Variants in LAMC2 observed in about 807,000 individuals in gnomAD.
The protein encoded by LAMC2 is laminin subunit gamma-2.
LAMC2 carries 97 observed loss-of-function variants against 140.2 expected under a neutral mutation model. That is an observed-to-expected ratio of 0.69 (90% CI 0.59 to 0.82). The LOEUF (loss-of-function observed/expected upper bound fraction) is 0.82. Among genes scored for constraint, LAMC2 ranks in the 40% least tolerant of loss-of-function variants. LAMC2 has a pLI of 0.00. For synonymous variants in LAMC2, 513 were observed against 540.2 expected, an observed-to-expected ratio of 0.95 and a Z score of 0.70; for missense variants, 1,402 against 1,476.1, an observed-to-expected ratio of 0.95 and a Z score of 0.82.
At chr1:183,196,830 T>C (rs1658535236) in intron 1 of LAMC2, among the ~76,000 whole-genome samples, 1 of 152,254 alleles carries the variant, frequency 6.6e-6, no homozygotes, top group African/African-American at 2.4e-5. Flanking sequence ...GATGGTTTTC[T>C]TTTATAAAGC....
Position 183,222,514 on chromosome 1 carries a change from C to T in LAMC2, c.763+303C>T, listed in dbSNP as rs16860588. On this transcript the variant is annotated intron_variant, in intron 6 of 22. Coordinates refer to ENST00000264144, the MANE Select transcript of LAMC2 (RefSeq NM_005562.3). Reference sequence around the variant, plus strand: ...CAAGAAACCAAGGACTGTGGCCAAACCTATGGGTCTATTGAGAAGTAGGTG... The same window carrying T: ...CAAGAAACCAAGGACTGTGGCCAAATCTATGGGTCTATTGAGAAGTAGGTG... 0.016 allele frequency among the ~76,000 whole-genome samples: 2,382 copies of T among 152,026 alleles called. 65 individuals carry two copies. Among genetic ancestry groups the T allele is most frequent in the African/African-American group, 0.055 (2,279 of 41,458 alleles).
chr1:183,240,364 A>G lies in LAMC2; in HGVS notation c.3301A>G (p.Thr1101Ala). ...AGVTIQDTLNTLDGLLHLMDQ... is the reference protein window; with the variant it reads ...AGVTIQDTLNALDGLLHLMDQ... ...GGTTACAATCCAAGACACACTCAAC[A>G]CATTAGACGGCCTCCTGCATCTGAT... The change falls in exon 22 of 23, where the codon ACA becomes GCA. Residue 1101 changes from threonine to alanine, a missense_variant. By Grantham distance (58) the Thr-to-Ala change is moderately conservative (BLOSUM62 0). Coordinates refer to ENST00000264144, the MANE Select transcript of LAMC2 (RefSeq NM_005562.3). 6.2e-7 allele frequency: 1 copy of G among 1,614,228 alleles called. No homozygotes were observed. Among genetic ancestry groups the G allele is most frequent in the Non-Finnish European group, 8.5e-7 (1 of 1,180,032 alleles).
chr1:183,243,602 A>C lies in LAMC2; in HGVS notation c.*202A>C. ...TACTCCTTGCTTCCTGATGCTGGGCAATGAGGCAGATAGCACTGGGTGTGA... is the reference window on the plus strand; with the variant it reads ...TACTCCTTGCTTCCTGATGCTGGGCCATGAGGCAGATAGCACTGGGTGTGA... On this transcript the variant is annotated 3_prime_UTR_variant, in exon 23 of 23. Transcript: ENST00000264144. The C allele has an allele frequency of 1.1e-5, 7 of 633,392 alleles. No homozygotes were observed. The highest frequency in any genetic ancestry group is 2.0e-5 in the Non-Finnish European group (7 of 355,912). 39.2% of individuals were successfully genotyped at this position (633,392 alleles called of 1,614,324 possible). A position where few individuals can be genotyped will look rare whatever the true frequency, so the allele number is the denominator to read the frequency against.
rs77398724 is a variant in LAMC2 at position 183,227,798 on chromosome 1, T to C, written c.1468+101T>C. ...CCGAGGAATTCCTAGGAAATTATAA[T>C]GACTTCGGGTTCACCCAAATGTGCT... On this transcript the variant is annotated intron_variant, in intron 10 of 22. Coordinates refer to ENST00000264144, the MANE Select transcript of LAMC2 (RefSeq NM_005562.3). The C allele has an allele frequency of 1.6e-3, 1,766 of 1,111,112 alleles. 11 individuals carry two copies. In the African/African-American group the frequency reaches 0.018, roughly 11 times the overall value. The allele number at this position is 1,111,112 out of a possible 1,614,324, so 68.8% of individuals were successfully genotyped here. A position where few individuals can be genotyped will look rare whatever the true frequency, so the allele number is the denominator to read the frequency against.
rs183708046 is a variant in LAMC2 at position 183,208,749 on chromosome 1, G to A, written c.268+680G>A. On this transcript the variant is annotated intron_variant, in intron 2 of 22. Coordinates refer to ENST00000264144, the MANE Select transcript of LAMC2 (RefSeq NM_005562.3). The stretch of plus-strand genomic sequence containing the variant: ...GACTGGAGTGCAGTGGTGCCATCTC[G>A]GCTCACTGCAACCTCCGCCTCCTAG... 3.6e-3 allele frequency among the ~76,000 whole-genome samples: 550 copies of A among 152,064 alleles called. 6 individuals are homozygous for A. The highest frequency in any genetic ancestry group is 6.4e-3 in the Non-Finnish European group (432 of 67,970).
the LAMC2 span, chr1:183,251,410 T>TA: frequency 6.6e-6 from 1 of 152,404 alleles, no homozygotes; most frequent in South Asian, 2.1e-4. Context: ...ATCCTGGACT[T>TA]ACAATATGAA....
At chr1:183,255,401 T>C in the LAMC2 span, among the ~76,000 whole-genome samples, 1 of 152,198 alleles carries the variant, frequency 6.6e-6, no homozygotes, top group Non-Finnish European at 1.5e-5. Context: ...TCAGGGTCTT[T>C]TGCAGTTCTG....
chr1:183,193,673 C>T (rs1658418351), intron 1 of LAMC2, among the ~76,000 whole-genome samples: 1 of 152,138 alleles, frequency 6.6e-6, no homozygotes, highest in Non-Finnish European at 1.5e-5. Flanking sequence ...CTGCTCTTGC[C>T]CTATCCAGGC....
intron 3 of LAMC2, 75 bp from the exon 4 acceptor site, chr1:183,218,315 A>G (rs1659343148): frequency 1.7e-6 from 2 of 1,162,040 alleles, no homozygotes. Context: ...TTTGCTCATG[A>G]GCAGTTGATT....
At position 183,235,583 on chromosome 1, in the gene LAMC2, A is replaced by G; in HGVS notation, c.2309A>G (p.Glu770Gly). The change falls in exon 16 of 23, where the codon GAG becomes GGG. Residue 770 changes from glutamate (E) to glycine (G), a missense_variant. Glu to Gly is a moderately conservative substitution (Grantham distance 98). Transcript: ENST00000264144. Reference protein sequence around the residue: ...EATRLAESHVESASNMEQLTR... With the variant: ...EATRLAESHVGSASNMEQLTR... ...GTTTTTAATCCTTTCAGCCACGTTGAGTCAGCCAGTAACATGGAGCAACTG... is the reference window on the plus strand; with the variant it reads ...GTTTTTAATCCTTTCAGCCACGTTGGGTCAGCCAGTAACATGGAGCAACTG... The G allele has an allele frequency of 6.2e-7, 1 of 1,614,234 alleles. No homozygotes were observed. The highest frequency in any genetic ancestry group is 1.1e-5 in the South Asian group (1 of 91,092).
chr1:183,202,833 C>T (rs917401848), intron 1 of LAMC2, among the ~76,000 whole-genome samples: 34 of 152,162 alleles, frequency 2.2e-4, no homozygotes, highest in Non-Finnish European at 8.8e-5. Flanking sequence ...AGGGCTGGGA[C>T]ATCTGTTGGT....
At chr1:183,206,891 C>A (rs912591655) in intron 1 of LAMC2, among the ~76,000 whole-genome samples, 1 of 152,140 alleles carries the variant, frequency 6.6e-6, no homozygotes, top group African/African-American at 2.4e-5. Flanking sequence ...CAGTTCTCCA[C>A]TGGGTGGAGT....
Position 183,223,093 on chromosome 1 carries a change from G to C in LAMC2, c.764-42G>C, listed in dbSNP as rs372807948. The C allele has an allele frequency of 1.2e-5, 19 of 1,597,998 alleles. No individual in the cohort carries two copies. The African/African-American group carries it at 2.1e-4, about 18-fold the overall frequency. Reference sequence around the variant, plus strand: ...AAACTTGCATGTGTTTGCCTCTCCAGTTTCACAACTGATCTCAATCTTTTA... The same window carrying C: ...AAACTTGCATGTGTTTGCCTCTCCACTTTCACAACTGATCTCAATCTTTTA... On this transcript the variant is annotated intron_variant, in intron 6 of 22. Coordinates refer to ENST00000264144, the MANE Select transcript of LAMC2 (RefSeq NM_005562.3).
At chr1:183,204,150 G>A (rs1658808776) in intron 1 of LAMC2, among the ~76,000 whole-genome samples, 1 of 152,120 alleles carries the variant, frequency 6.6e-6, no homozygotes, top group South Asian at 2.1e-4. Flanking sequence ...ATTTAGTTGA[G>A]TGTTGTGGCA....
intron 8 of LAMC2, among the ~76,000 whole-genome samples, chr1:183,226,289 A>G (rs1659623788): frequency 6.6e-6 from 1 of 152,138 alleles, no homozygotes; most frequent in East Asian, 1.9e-4. Flanking sequence ...GATGCAGTAA[A>G]TAAAGTCGGA....
downstream of LAMC2, among the ~76,000 whole-genome samples, chr1:183,247,133 G>A (rs550285093): frequency 8.2e-4 from 125 of 152,190 alleles, no homozygotes; most frequent in African/African-American, 2.9e-3. Context: ...CCAACATGGC[G>A]AAACCCTGTC....
chr1:183,212,285 T>C (rs1051495110), intron 2 of LAMC2, among the ~76,000 whole-genome samples: 17 of 152,228 alleles, frequency 1.1e-4, no homozygotes, highest in Non-Finnish European at 2.1e-4. Context: ...ACATTACTTA[T>C]CAGAGCATTA....
At chr1:183,226,047 C>T (rs1659615212) in intron 8 of LAMC2, among the ~76,000 whole-genome samples, 1 of 151,966 alleles carries the variant, frequency 6.6e-6, no homozygotes, top group African/African-American at 2.4e-5. Flanking sequence ...ATGGCACCTA[C>T]AACACAGTCT....
Position 183,243,703 on chromosome 1 carries a change from A to T in LAMC2, c.*303A>T. ...CTGCACAGGCAGATGTTTGCCTCAT[A>T]ATAGTCGTAAGTGGAGTCCTGGAAT... is the stretch of plus-strand genomic sequence containing the variant. On this transcript the variant is annotated 3_prime_UTR_variant, in exon 23 of 23. Coordinates refer to ENST00000264144, the MANE Select transcript of LAMC2 (RefSeq NM_005562.3). The T allele has an allele frequency of 2.3e-6, 1 of 441,034 alleles. No individual in the cohort carries two copies. Among genetic ancestry groups the T allele is most frequent in the Non-Finnish European group, 4.2e-6 (1 of 237,618 alleles). 27.3% of individuals were successfully genotyped at this position (441,034 alleles called of 1,614,324 possible).
Sources: allele counts gnomAD v4.1 joint callset (sites outside exome capture counted in the v4.1 genomes callset), GRCh38; gene constraint gnomAD v4.1.1; transcripts MANE v1.5; gene names NCBI Gene and HGNC (gene_info 2026-07-23, HGNC 2026-07-21).